The following HDAC9 variants were observed in gnomAD, a reference collection of about 807,000 sequenced individuals.
HDAC9 encodes the protein MEF-2 interacting transcription repressor (MITR) protein.
Under a neutral mutation model 139.4 loss-of-function variants are expected in HDAC9, and 41 were observed. The observed-to-expected ratio is 0.29, with a 90% confidence interval of 0.23 to 0.38. The LOEUF (loss-of-function observed/expected upper bound fraction) is 0.38, where lower values mean the gene tolerates loss of function less well. HDAC9 is among the 10% of genes least tolerant of loss of function. HDAC9 has a pLI of 1.00. For synonymous variants in HDAC9, 517 were observed against 476.2 expected, an observed-to-expected ratio of 1.09 and a Z score of -1.12; for missense variants, 1,147 against 1,297.0, an observed-to-expected ratio of 0.88 and a Z score of 1.78.
chr7:18,398,323 A>G (rs1369486849), intron 1 of HDAC9, among the ~76,000 whole-genome samples: 2 of 152,224 alleles, frequency 1.3e-5, no homozygotes, highest in Non-Finnish European at 2.9e-5. Flanking sequence ...TCAGATTTTA[A>G]CTGATGTCTT....
chr7:18,503,062 ATT>A (rs544409454), intron 2 of HDAC9, among the ~76,000 whole-genome samples: 1 of 151,996 alleles, frequency 6.6e-6, no homozygotes, highest in Non-Finnish European at 1.5e-5. Flanking sequence ...ACATTTTAAC[ATT>A]TTTTTTCTGA....
chr7:18,706,160 C>CTTTTTTT (rs1165670432), intron 12 of HDAC9, among the ~76,000 whole-genome samples: 19 of 86,758 alleles, frequency 2.2e-4, no homozygotes, highest in East Asian at 1.1e-3. Flanking sequence ...GAAAGTTTTC[C>CTTTTTTT]TTTTTTTTTT....
chr7:18,151,539 T>C (rs924760109), intron 1 of HDAC9, among the ~76,000 whole-genome samples: 1 of 152,228 alleles, frequency 6.6e-6, no homozygotes, highest in Non-Finnish European at 1.5e-5. Flanking sequence ...TGATCCTCAC[T>C]AGACATCTTT....
intron 2 of HDAC9, among the ~76,000 whole-genome samples, chr7:18,186,198 C>T (rs373634230): frequency 2.0e-5 from 3 of 152,206 alleles, no homozygotes; most frequent in Admixed American, 6.5e-5. Context: ...CAGTCCAACA[C>T]GGTAGCCACT....
At chr7:18,852,886 G>A (rs1797406727) in intron 21 of HDAC9, among the ~76,000 whole-genome samples, 1 of 151,646 alleles carries the variant, frequency 6.6e-6, no homozygotes, top group Non-Finnish European at 1.5e-5. Flanking sequence ...TGTATGTTAA[G>A]GTAGATTTTT....
chr7:18,603,957 A>G (rs773727156), intron 6 of HDAC9, among the ~76,000 whole-genome samples: 2 of 151,976 alleles, frequency 1.3e-5, no homozygotes, highest in Non-Finnish European at 2.9e-5. Context: ...TTTTTATTCT[A>G]CAGCTTATGA....
At chr7:18,451,405 A>G (rs971201903) in intron 1 of HDAC9, among the ~76,000 whole-genome samples, 29 of 95,488 alleles carry the variant, frequency 3.0e-4, no homozygotes, top group Admixed American at 1.6e-3. Context: ...GTGTGTGTAT[A>G]TATGTGTGTG....
chr7:18,877,439 A>G (rs899846227), intron 22 of HDAC9, among the ~76,000 whole-genome samples: 1 of 152,174 alleles, frequency 6.6e-6, no homozygotes, highest in Non-Finnish European at 1.5e-5. Flanking sequence ...GCTAGATTCT[A>G]AAGTAAAAAG....
At chr7:18,196,292 AG>A (rs1790721115) in intron 2 of HDAC9, among the ~76,000 whole-genome samples, 1 of 152,222 alleles carries the variant, frequency 6.6e-6, no homozygotes. Context: ...AATAGTGTAG[AG>A]GAACAGTGAT....
intron 6 of HDAC9, among the ~76,000 whole-genome samples, chr7:18,621,521 G>C (rs1840202370): frequency 6.6e-6 from 1 of 151,996 alleles, no homozygotes; most frequent in African/African-American, 2.4e-5. Context: ...AGATGCAGTA[G>C]TATTTCTCAA....
chr7:18,549,919 C>A (rs1296642503), intron 2 of HDAC9, among the ~76,000 whole-genome samples: 1 of 151,488 alleles, frequency 6.6e-6, no homozygotes, highest in African/African-American at 2.4e-5. Context: ...TCTTCTTCCT[C>A]CTCTTTCTCT....
intron 13 of HDAC9, among the ~76,000 whole-genome samples, chr7:18,731,186 T>G (rs544046713): frequency 3.3e-5 from 5 of 152,172 alleles, no homozygotes; most frequent in African/African-American, 1.2e-4. Context: ...TCTCAAACCA[T>G]AGTTGAAACT....
intron 22 of HDAC9, among the ~76,000 whole-genome samples, chr7:18,882,683 T>C (rs78541722): frequency 0.012 from 1,800 of 151,986 alleles, 23 homozygotes; most frequent in Non-Finnish European, 0.019. Context: ...GAGATAATAA[T>C]TTTACCTACA....
chr7:18,483,992 G>A, intron 1 of HDAC9, among the ~76,000 whole-genome samples: 1 of 151,902 alleles, frequency 6.6e-6, no homozygotes. Context: ...AATAATTCAT[G>A]ATTCATTTGA....
chr7:18,835,687 A>T (rs1234049664), intron 20 of HDAC9, 101 bp downstream of exon 20: 4 of 1,437,842 alleles, frequency 2.8e-6, no homozygotes, highest in Non-Finnish European at 3.9e-6. Flanking sequence ...GGTGTTTTAA[A>T]TTACACGAGA....
chr7:18,742,243 C>T (rs1023562104), intron 13 of HDAC9, among the ~76,000 whole-genome samples: 5 of 152,134 alleles, frequency 3.3e-5, no homozygotes, highest in African/African-American at 1.2e-4. Context: ...ATGTTGCAAA[C>T]TTCATTGTTA....
chr7:18,781,338 C>T (rs1791232545), intron 16 of HDAC9, among the ~76,000 whole-genome samples: 1 of 152,002 alleles, frequency 6.6e-6, no homozygotes, highest in Non-Finnish European at 1.5e-5. Context: ...CCCAGCTCTT[C>T]ATCTCATCAA....
chr7:18,138,644 G>A (rs761720376), intron 1 of HDAC9, among the ~76,000 whole-genome samples: 4 of 151,836 alleles, frequency 2.6e-5, no homozygotes, highest in Non-Finnish European at 5.9e-5. Flanking sequence ...AGTGGGGCAG[G>A]CTGCAACCTT....
chr7:18,427,849 C>T (rs558876351), intron 1 of HDAC9, among the ~76,000 whole-genome samples: 3 of 151,886 alleles, frequency 2.0e-5, no homozygotes, highest in South Asian at 2.1e-4. Context: ...AATTATTCAC[C>T]GTGCATAACT....
Sources: gnomAD v4.1 joint callset for allele counts (sites outside exome capture counted in the v4.1 genomes callset) on GRCh38, gnomAD v4.1.1 for gene constraint, MANE v1.5 for transcripts, NCBI Gene and HGNC (gene_info 2026-07-23, HGNC 2026-07-21) for gene names.